Variants in LIPG observed in about 807,000 individuals in gnomAD.
LIPG encodes lipase G, endothelial type.
A neutral mutation model predicts 51.8 loss-of-function variants in LIPG; 34 were observed. The observed-to-expected ratio is 0.66, with a 90% CI of 0.50 to 0.87. LIPG has a LOEUF of 0.87. Among genes scored for constraint, LIPG ranks in the 40% least tolerant of loss-of-function variants. LIPG has a pLI of 0.00. For synonymous variants in LIPG, 246 were observed against 246.1 expected, an observed-to-expected ratio of 1.00 and a Z score of 0.00; for missense variants, 580 against 652.7, an observed-to-expected ratio of 0.89 and a Z score of 1.21.
intron 5 of LIPG, among the ~76,000 whole-genome samples, chr18:49,578,795 CG>C (rs1481486738): frequency 6.6e-6 from 1 of 150,438 alleles, no homozygotes; most frequent in Non-Finnish European, 1.5e-5. Flanking sequence ...CCAAGGCTGG[CG>C]GATCACTCGC....
rs763600095 is a variant in LIPG at position 49,583,709 on chromosome 18, C to T, written c.1311C>T (p.Pro437=). 1 of 1,614,166 alleles carries T rather than the reference C, an allele frequency of 6.2e-7. No homozygotes were observed. ...AGTTTCGCAGCTACCTGTCTCAACC[C>T]CGCAACCCCGGACGGGAGCTGAATA... ...WKEFRSYLSQ[P]RNPGRELNIR... Residue 437 remains proline (P), a synonymous_variant, in exon 8 of 10, where the codon CCC becomes CCT. Transcript: ENST00000261292.
Position 49,592,924 on chromosome 18 carries a change from A to ATTTTTTTTTTTTT in LIPG, c.*2416_*2428dup, listed in dbSNP as rs1023534320. 7.9e-5 allele frequency: 9 copies of ATTTTTTTTTTTTT among 113,582 alleles called. No homozygotes were observed. Among genetic ancestry groups the ATTTTTTTTTTTTT allele is most frequent in the African/African-American group, 3.1e-4 (9 of 28,594 alleles). The allele number at this position is 113,582 out of a possible 1,614,324, so 7.0% of individuals were successfully genotyped here. A position where few individuals can be genotyped will look rare whatever the true frequency, so the allele number is the denominator to read the frequency against. On this transcript the variant is annotated 3_prime_UTR_variant, in exon 10 of 10. Transcript: ENST00000261292. ...AAGTTCTTAATGGTCTGACAACTCAATTTTTTTTTTTTTTTTTTTTTTTTT... is the reference window on the plus strand; with the variant it reads ...AAGTTCTTAATGGTCTGACAACTCAATTTTTTTTTTTTTTTTTTTTTTTTTTTTTTTTTTTTTT...
intron 9 of LIPG, chr18:49,589,910 T>C (rs940524662): frequency 6.2e-6 from 1 of 160,480 alleles, no homozygotes; most frequent in Non-Finnish European, 1.4e-5. Context: ...GTCCAAGTAA[T>C]AAATGAACAC....
intron 4 of LIPG, among the ~76,000 whole-genome samples, chr18:49,573,261 G>A (rs895284013): frequency 1.3e-5 from 2 of 152,230 alleles, no homozygotes; most frequent in African/African-American, 4.8e-5. Context: ...GCAGGGAGAG[G>A]CCGCTGTGTC....
intron 5 of LIPG, among the ~76,000 whole-genome samples, chr18:49,579,318 C>G (rs2084789292): frequency 6.6e-6 from 1 of 150,876 alleles, no homozygotes; most frequent in Non-Finnish European, 1.5e-5. Context: ...TTTCCATTCA[C>G]TTAACATTTT....
chr18:49,587,820 C>T (rs1436082608), intron 9 of LIPG, among the ~76,000 whole-genome samples: 1 of 151,178 alleles, frequency 6.6e-6, no homozygotes, highest in Admixed American at 6.6e-5. Context: ...CATGGTCTTA[C>T]TCTGTTACCC....
At chr18:49,562,431 C>T (rs2084560701) in intron 1 of LIPG, 26 bp downstream of exon 1, 1 of 1,589,340 alleles carries the variant, frequency 6.3e-7, no homozygotes, top group Non-Finnish European at 8.6e-7. Flanking sequence ...TTTTATTCCC[C>T]CCAGCCACTT....
In LIPG at chr18:49,562,283, C is replaced by T; in HGVS notation, c.-26C>T. The T allele has an allele frequency of 1.9e-6, 3 of 1,612,726 alleles. No individual in the cohort carries two copies. Among genetic ancestry groups the T allele is most frequent in the South Asian group, 1.1e-5 (1 of 90,994 alleles). The stretch of plus-strand genomic sequence containing the variant: ...TTTTTGTTTTTTAAAACTTCTGTTT[C>T]TTGGGAGGGGGTGTGGCGGGGCAGG... On this transcript the variant is annotated 5_prime_UTR_variant, in exon 1 of 10. Transcript: ENST00000261292.
In LIPG at chr18:49,581,834, A is replaced by G. The variant is rs553649511; in HGVS notation, c.1036+177A>G. The G allele has an allele frequency of 1.9e-5, 15 of 778,616 alleles. No individual in the cohort carries two copies. In the East Asian group the frequency reaches 3.9e-4, roughly 20 times the overall value. 48.2% of individuals were successfully genotyped at this position (778,616 alleles called of 1,614,324 possible). A position where few individuals can be genotyped will look rare whatever the true frequency, so the allele number is the denominator to read the frequency against. On this transcript the variant is annotated intron_variant, in intron 6 of 9. Coordinates refer to ENST00000261292, the MANE Select transcript of LIPG (RefSeq NM_006033.4). The stretch of plus-strand genomic sequence containing the variant: ...TAGGAAAGGGAATCTTTACAAAATA[A>G]ACAGTGTGGACCCCTTTTGTGATGT...
rs2084963564 is a variant in LIPG, at chr18:49,593,426, C to G, written c.*2904C>G. The G allele has an allele frequency of 6.6e-6, 1 of 152,146 alleles. No individual in the cohort carries two copies. Among genetic ancestry groups the G allele is most frequent in the African/African-American group, 2.4e-5 (1 of 41,418 alleles). The allele number at this position is 152,146 out of a possible 1,614,324, so 9.4% of individuals were successfully genotyped here. A position where few individuals can be genotyped will look rare whatever the true frequency, so the allele number is the denominator to read the frequency against. On this transcript the variant is annotated 3_prime_UTR_variant, in exon 10 of 10. Transcript: ENST00000261292. ...AGAAAAATTATTTCAATTGTAGCAG[C>G]TTGAAGGCCTGAAGGTGGATGTTAG...
rs865779013 is a variant in LIPG, at chr18:49,577,619, C to T, written c.793+2029C>T. 4.9e-4 allele frequency among the ~76,000 whole-genome samples: 71 copies of T among 144,164 alleles called. 1 individual carries two copies. The highest frequency in any genetic ancestry group is 2.4e-3 in the Admixed American group (36 of 14,770). 94.6% of individuals were successfully genotyped at this position (144,164 alleles called of 152,430 possible). ...CCGGGCAGAGGCACCCCTCACCTCCCGGACGGGGCGGCTGGCCGGGCAGGG... is the reference window on the plus strand; with the variant it reads ...CCGGGCAGAGGCACCCCTCACCTCCTGGACGGGGCGGCTGGCCGGGCAGGG... On this transcript the variant is annotated intron_variant, in intron 5 of 9. Transcript: ENST00000261292.
intron 5 of LIPG, among the ~76,000 whole-genome samples, chr18:49,580,415 T>C (rs1173957118): frequency 2.6e-5 from 4 of 152,246 alleles, no homozygotes; most frequent in Non-Finnish European, 5.9e-5. Flanking sequence ...TCTGCTGATG[T>C]AGCATGAAAG....
intron 5 of LIPG, among the ~76,000 whole-genome samples, chr18:49,577,738 C>A (rs1461011101): frequency 1.4e-5 from 1 of 71,528 alleles, no homozygotes; most frequent in Non-Finnish European, 2.7e-5. Flanking sequence ...GCTGGCCGGG[C>A]GGGGGGGCTG....
intron 2 of LIPG, among the ~76,000 whole-genome samples, chr18:49,566,251 G>C (rs1161397773): frequency 6.6e-6 from 1 of 152,154 alleles, no homozygotes; most frequent in African/African-American, 2.4e-5. Context: ...GGGCAGGAGA[G>C]GGTAGGTGCC....
At chr18:49,588,515 G>T (rs2084908418) in intron 9 of LIPG, among the ~76,000 whole-genome samples, 1 of 152,008 alleles carries the variant, frequency 6.6e-6, no homozygotes, top group Non-Finnish European at 1.5e-5. Flanking sequence ...GGCCAAGTTG[G>T]TCTCAAACTC....
At chr18:49,575,964 G>A (rs957624111) in intron 5 of LIPG, among the ~76,000 whole-genome samples, 1 of 151,170 alleles carries the variant, frequency 6.6e-6, no homozygotes, top group Non-Finnish European at 1.5e-5. Flanking sequence ...TCAGCCTCCT[G>A]AGTAGCTGGG....
At position 49,582,599 on chromosome 18, in the gene LIPG, C is replaced by T. The variant is rs888542580; in HGVS notation, c.1157+117C>T. 1.4e-5 allele frequency: 19 copies of T among 1,365,126 alleles called. No individual in the cohort carries two copies. In the African/African-American group the frequency reaches 2.6e-4, roughly 18 times the overall value. The allele number at this position is 1,365,126 out of a possible 1,614,324, so 84.6% of individuals were successfully genotyped here. On this transcript the variant is annotated intron_variant, in intron 7 of 9. Coordinates refer to ENST00000261292, the MANE Select transcript of LIPG (RefSeq NM_006033.4). ...CACGCAGGAGAGTGCAGTCCGACTGCTCAGGGAGGAGCCAGGTGGTCTAGC... is the reference window on the plus strand; with the variant it reads ...CACGCAGGAGAGTGCAGTCCGACTGTTCAGGGAGGAGCCAGGTGGTCTAGC...
Position 49,598,034 on chromosome 18 carries a change from A to G in LIPG, c.*7512A>G, listed in dbSNP as rs1462181545. ...ATGTCAGTCTTACTATTCATCCTGT[A>G]TCCTCTATTAGATACACAGAGCTTC... On this transcript the variant is annotated 3_prime_UTR_variant, in exon 10 of 10. Transcript: ENST00000261292. 1.3e-5 allele frequency: 2 copies of G among 152,166 alleles called. No homozygotes were observed. The highest frequency in any genetic ancestry group is 2.9e-5 in the Non-Finnish European group (2 of 68,032). 9.4% of individuals were successfully genotyped at this position (152,166 alleles called of 1,614,324 possible).
Position 49,590,936 on chromosome 18 carries a change from G to C in LIPG, c.*414G>C. On this transcript the variant is annotated 3_prime_UTR_variant, in exon 10 of 10. Coordinates refer to ENST00000261292, the MANE Select transcript of LIPG (RefSeq NM_006033.4). ...GCTGCTCAGCCTGCTTTGAGCCTCA[G>C]TGAGAAGTCCTTCCGACAGGAGCTG... is the stretch of plus-strand genomic sequence containing the variant. The C allele has an allele frequency of 6.6e-6, 2 of 302,222 alleles. No individual in the cohort carries two copies. The highest frequency in any genetic ancestry group is 7.0e-5 in the South Asian group (2 of 28,766). The allele number at this position is 302,222 out of a possible 1,614,324, so 18.7% of individuals were successfully genotyped here.
Sources: allele counts gnomAD v4.1 joint callset (sites outside exome capture counted in the v4.1 genomes callset), GRCh38; gene constraint gnomAD v4.1.1; transcripts MANE v1.5; gene names NCBI Gene and HGNC (gene_info 2026-07-23, HGNC 2026-07-21).